Variants in LNX1 observed in about 807,000 individuals in gnomAD.
The protein encoded by LNX1 is E3 ubiquitin-protein ligase LNX.
A neutral mutation model predicts 68.4 loss-of-function variants in LNX1; 54 were observed. The observed-to-expected ratio is 0.79, with a 90% CI of 0.63 to 0.99. LNX1 has a LOEUF of 0.99. LNX1 is among the 50% of genes least tolerant of loss of function. The probability of loss-of-function intolerance (pLI) is 0.00; values close to 1 mark genes in which losing one functional copy is unlikely to be tolerated. For missense variants in LNX1, 906 were observed against 926.4 expected, an observed-to-expected ratio of 0.98 and a Z score of 0.29; for synonymous variants, 336 against 350.0, an observed-to-expected ratio of 0.96 and a Z score of 0.45.
At chr4:53,614,885 T>C (rs1271701380) in intron 2 of LNX1, among the ~76,000 whole-genome samples, 2 of 152,194 alleles carry the variant, frequency 1.3e-5, no homozygotes, top group Middle Eastern at 3.2e-3. Flanking sequence ...AGGTGTGGCC[T>C]GACCTCAGAA....
chr4:53,535,289 G>A (rs1382785192), intron 2 of LNX1, among the ~76,000 whole-genome samples: 1 of 152,152 alleles, frequency 6.6e-6, no homozygotes, highest in Non-Finnish European at 1.5e-5. Flanking sequence ...CTTAAGCCAT[G>A]ACTCTTTTAG....
At chr4:53,541,736 T>C (rs1272566811) in intron 2 of LNX1, among the ~76,000 whole-genome samples, 1 of 71,264 alleles carries the variant, frequency 1.4e-5, no homozygotes, top group Admixed American at 1.8e-4. Context: ...GTAAGCTCAG[T>C]CTGAGTCATT....
intron 2 of LNX1, among the ~76,000 whole-genome samples, chr4:53,599,416 AG>A (rs1235107574): frequency 3.9e-5 from 6 of 152,198 alleles, no homozygotes; most frequent in Non-Finnish European, 8.8e-5. Flanking sequence ...TGGTCTAAAA[AG>A]GGGAGGCCTG....
chr4:53,484,923 CAG>C (rs1372417185), intron 6 of LNX1, among the ~76,000 whole-genome samples: 1 of 152,190 alleles, frequency 6.6e-6, no homozygotes, highest in Non-Finnish European at 1.5e-5. Context: ...CTGATCTCCC[CAG>C]ACAAGGCTAA....
intron 2 of LNX1, among the ~76,000 whole-genome samples, chr4:53,542,081 A>G (rs1319316957): frequency 6.6e-6 from 1 of 152,230 alleles, no homozygotes; most frequent in African/African-American, 2.4e-5. Context: ...GGGGGATGTC[A>G]GAAGACTGGA....
At chr4:53,495,496 G>A (rs1248567550) in intron 6 of LNX1, among the ~76,000 whole-genome samples, 1 of 149,594 alleles carries the variant, frequency 6.7e-6, no homozygotes, top group East Asian at 2.0e-4. Flanking sequence ...ACTTAGCCAT[G>A]GAGACTAAGA....
intron 2 of LNX1, among the ~76,000 whole-genome samples, chr4:53,571,040 A>AG (rs1163348311): frequency 2.6e-5 from 4 of 151,368 alleles, no homozygotes; most frequent in African/African-American, 9.7e-5. Flanking sequence ...AAAAAAAAAA[A>AG]GAATCTTTTT....
At chr4:53,643,451 G>GA (rs1266137562) in intron 1 of LNX1, among the ~76,000 whole-genome samples, 1 of 152,010 alleles carries the variant, frequency 6.6e-6, no homozygotes, top group Admixed American at 6.6e-5. Context: ...TCCCGGTCAA[G>GA]AAACCTTGGT....
At chr4:53,484,568 A>C (rs191514022) in intron 6 of LNX1, among the ~76,000 whole-genome samples, 6 of 152,182 alleles carry the variant, frequency 3.9e-5, no homozygotes, top group Admixed American at 3.9e-4. Context: ...ATCTCAAAAA[A>C]AGAAAAAAAA....
chr4:53,528,429 C>T (rs1408209528), intron 2 of LNX1, among the ~76,000 whole-genome samples: 2 of 152,152 alleles, frequency 1.3e-5, no homozygotes, highest in African/African-American at 2.4e-5. Context: ...CATTTTATCA[C>T]CTCATATTAT....
chr4:53,583,260 G>A lies in LNX1; in HGVS notation c.-87+8128C>T, dbSNP rs531016214. Among the ~76,000 whole-genome samples the A allele has an allele frequency of 2.0e-5, 3 of 152,240 alleles. No homozygotes were observed. In the South Asian group the frequency reaches 6.2e-4, roughly 32 times the overall value. The stretch of plus-strand genomic sequence containing the variant: ...ACTCTCATGTAATAGGGAAGAATTA[G>A]GAGCATTAATGACCTGGATAAAAAT... On this transcript the variant is annotated intron_variant, in intron 1 of 10. Transcript: ENST00000263925.
At chr4:53,532,344 C>T (rs1728076387) in intron 2 of LNX1, among the ~76,000 whole-genome samples, 1 of 152,078 alleles carries the variant, frequency 6.6e-6, no homozygotes, top group African/African-American at 2.4e-5. Context: ...GGCGTGTTGG[C>T]ACGCACTGTA....
At chr4:53,646,230 C>T (rs1356279591) in intron 1 of LNX1, among the ~76,000 whole-genome samples, 1 of 152,174 alleles carries the variant, frequency 6.6e-6, no homozygotes, top group African/African-American at 2.4e-5. Flanking sequence ...AGAGCTCCAA[C>T]TCTGAGATGC....
At chr4:53,526,388 A>G (rs1000063703) in intron 2 of LNX1, among the ~76,000 whole-genome samples, 17 of 152,198 alleles carry the variant, frequency 1.1e-4, no homozygotes, top group African/African-American at 4.1e-4. Context: ...AACTGATCAA[A>G]CCACCAAACC....
intron 6 of LNX1, among the ~76,000 whole-genome samples, chr4:53,491,594 C>T (rs745639284): frequency 1.3e-5 from 2 of 152,014 alleles, no homozygotes; most frequent in African/African-American, 4.8e-5. Flanking sequence ...ATCTTGGGGA[C>T]AAATGGCACA....
At chr4:53,605,490 A>G (rs1560691259) in intron 2 of LNX1, among the ~76,000 whole-genome samples, 1 of 152,286 alleles carries the variant, frequency 6.6e-6, no homozygotes, top group Non-Finnish European at 1.5e-5. Context: ...ATACAATACA[A>G]TATTTGTAAC....
intron 1 of LNX1, among the ~76,000 whole-genome samples, chr4:53,583,481 G>T (rs1336047520): frequency 6.6e-6 from 1 of 152,010 alleles, no homozygotes; most frequent in Non-Finnish European, 1.5e-5. Context: ...CTCGAAGAGG[G>T]ACTAAGCCAC....
chr4:53,538,750 C>G (rs539739570), intron 2 of LNX1, among the ~76,000 whole-genome samples: 1 of 152,100 alleles, frequency 6.6e-6, no homozygotes, highest in Non-Finnish European at 1.5e-5. Flanking sequence ...CACAAAGATT[C>G]GAAATGCAGC....
chr4:53,638,589 G>A (rs2668525), intron 1 of LNX1, among the ~76,000 whole-genome samples: 23,003 of 152,114 alleles, frequency 0.15, 2,181 homozygotes, highest in Admixed American at 0.25. Context: ...TTAGTGCCCC[G>A]TTTTTCCTCA....
Sources: allele counts gnomAD v4.1 joint callset (sites outside exome capture counted in the v4.1 genomes callset), GRCh38; gene constraint gnomAD v4.1.1; transcripts MANE v1.5; gene names NCBI Gene and HGNC (gene_info 2026-07-23, HGNC 2026-07-21).